The following GSAP variants were observed in gnomAD, a reference collection of about 807,000 sequenced individuals.
GSAP encodes the protein gamma-secretase-activating protein.
Under a neutral mutation model 131.7 loss-of-function variants are expected in GSAP, and 118 were observed. The ratio of observed to expected loss-of-function variants is 0.90; its 90% CI spans 0.77 to 1.04. The LOEUF (loss-of-function observed/expected upper bound fraction) is 1.04. Among genes scored for constraint, GSAP ranks in the 50% least tolerant of loss-of-function variants. The pLI, the probability that GSAP is intolerant of heterozygous loss-of-function variation, is 0.00. For missense variants in GSAP, 1,019 were observed against 1,013.2 expected (o/e 1.01, Z -0.08); for synonymous variants, 381 against 363.4 (o/e 1.05, Z -0.55).
chr7:77,353,054 GA>G lies in GSAP; in HGVS notation c.1409-29del, dbSNP rs144288006. 4.5e-4 allele frequency: 558 copies of G among 1,226,768 alleles called. 4 individuals are homozygous for G. The African/African-American group carries it at 7.2e-3, about 16-fold the overall frequency. The allele number at this position is 1,226,768 out of a possible 1,614,324, so 76.0% of individuals were successfully genotyped here. ...GAGTAGATTTTTTTTGAAACAGGGG[GA>G]AAAAAGATGTGGTTTAATAAGATGA... On this transcript the variant is annotated intron_variant, in intron 17 of 30. Transcript: ENST00000257626.
In GSAP at chr7:77,361,810, C is replaced by T. The variant is rs745596628; in HGVS notation, c.949+773G>A. ...ACAGAACCAGGAGAAATTAGTTAGGCATTTGACTGCTTCTCCCTAGATTGT... is the reference window on the plus strand; with the variant it reads ...ACAGAACCAGGAGAAATTAGTTAGGTATTTGACTGCTTCTCCCTAGATTGT... On this transcript the variant is annotated intron_variant, in intron 13 of 30. Coordinates refer to ENST00000257626, the MANE Select transcript of GSAP (RefSeq NM_017439.4). Among the ~76,000 whole-genome samples the T allele has an allele frequency of 2.0e-5, 3 of 152,150 alleles. No homozygotes were observed. In the East Asian group the frequency reaches 5.8e-4, roughly 29 times the overall value.
In GSAP at chr7:77,385,721, G is replaced by A. The variant is rs574584896; in HGVS notation, c.456+1639C>T. ...CCACAGTGCTGTCAGGAGTGGCGGG[G>A]AAATGCGCAGCTGAAAGGACTGGCT... On this transcript the variant is annotated intron_variant, in intron 6 of 30. Coordinates refer to ENST00000257626, the MANE Select transcript of GSAP (RefSeq NM_017439.4). 2.6e-5 allele frequency among the ~76,000 whole-genome samples: 4 copies of A among 152,294 alleles called. No homozygotes were observed. The South Asian group carries it at 6.2e-4, about 24-fold the overall frequency.
At chr7:77,409,291 G>A (rs935975690) in intron 1 of GSAP, among the ~76,000 whole-genome samples, 5 of 152,064 alleles carry the variant, frequency 3.3e-5, no homozygotes, top group African/African-American at 1.2e-4. Flanking sequence ...AGACCAACCT[G>A]GGCAACACAG....
chr7:77,359,717 A>ATT (rs1164300569), intron 14 of GSAP, among the ~76,000 whole-genome samples: 1 of 152,210 alleles, frequency 6.6e-6, no homozygotes, highest in African/African-American at 2.4e-5. Context: ...AAGACCACAG[A>ATT]TTAAATCTTG....
At chr7:77,316,842 A>G (rs953367977) in intron 26 of GSAP, among the ~76,000 whole-genome samples, 40 of 152,164 alleles carry the variant, frequency 2.6e-4, no homozygotes, top group Non-Finnish European at 4.3e-4. Context: ...CTCATCTTCC[A>G]GGGCTCCTGG....
intron 19 of GSAP, among the ~76,000 whole-genome samples, chr7:77,340,713 G>A (rs1790784938): frequency 6.6e-6 from 1 of 152,194 alleles, no homozygotes; most frequent in Admixed American, 6.5e-5. Flanking sequence ...ACGCCTGCCT[G>A]ATTATTCACC....
intron 6 of GSAP, among the ~76,000 whole-genome samples, chr7:77,385,034 CTT>C (rs1228460297): frequency 1.1e-4 from 15 of 139,680 alleles, no homozygotes; most frequent in Middle Eastern, 3.5e-3. Flanking sequence ...GTACTTCTAA[CTT>C]TTTTTTTTTT....
In GSAP at chr7:77,349,262, T is replaced by G. The variant is rs764674004; in HGVS notation, c.1545+89A>C. ...CTTGCCCTCCCCTCCCCTGCCAATT[T>G]GCAATCCCTTTTGGAACCACCATAA... is the stretch of plus-strand genomic sequence containing the variant. On this transcript the variant is annotated intron_variant, in intron 19 of 30. Transcript: ENST00000257626. 146 of 1,056,626 alleles carry G rather than the reference T, an allele frequency of 1.4e-4. No individual in the cohort carries two copies. The Middle Eastern group carries it at 1.6e-3, about 12-fold the overall frequency. The allele number at this position is 1,056,626 out of a possible 1,614,324, so 65.5% of individuals were successfully genotyped here. A position where few individuals can be genotyped will look rare whatever the true frequency, so the allele number is the denominator to read the frequency against.
Position 77,352,927 on chromosome 7 carries a change from A to G in GSAP, c.1491+17T>C. On this transcript the variant is annotated intron_variant, in intron 18 of 30. Transcript: ENST00000257626. ...AATTGATTTTATTTGCATACAGCAT[A>G]CACAGTGTTAACTTACTGTATTCCA... 2 of 1,414,310 alleles carry G rather than the reference A, an allele frequency of 1.4e-6. No individual in the cohort carries two copies. The highest frequency in any genetic ancestry group is 2.0e-6 in the Non-Finnish European group (2 of 998,444). 87.6% of individuals were successfully genotyped at this position (1,414,310 alleles called of 1,614,324 possible).
intron 26 of GSAP, among the ~76,000 whole-genome samples, chr7:77,318,467 T>C (rs150248485): frequency 1.3e-5 from 2 of 152,224 alleles, no homozygotes; most frequent in African/African-American, 4.8e-5. Flanking sequence ...GATGAATATA[T>C]ATGAATGAAG....
At chr7:77,336,727 A>T (rs1332067457) in intron 19 of GSAP, among the ~76,000 whole-genome samples, 1 of 152,136 alleles carries the variant, frequency 6.6e-6, no homozygotes, top group Non-Finnish European at 1.5e-5. Flanking sequence ...ACCTCAGGTG[A>T]TTCACCCGCC....
chr7:77,394,960 C>T (rs6971137), intron 5 of GSAP, among the ~76,000 whole-genome samples: 56,412 of 152,086 alleles, frequency 0.37, 13,533 homozygotes, highest in African/African-American at 0.68. Flanking sequence ...ACACAATAAC[C>T]AATAACGTTC....
intron 18 of GSAP, among the ~76,000 whole-genome samples, 155 bp downstream of exon 18, chr7:77,352,789 A>G (rs1045178142): frequency 3.3e-5 from 4 of 122,908 alleles, no homozygotes; most frequent in Non-Finnish European, 5.3e-5. Context: ...GGGATTTGCT[A>G]TTACTTTTCT....
At chr7:77,377,468 T>G (rs1007559264) in intron 8 of GSAP, 78 bp from the exon 9 acceptor site, 5 of 1,416,480 alleles carry the variant, frequency 3.5e-6, no homozygotes, top group Non-Finnish European at 2.8e-6. Context: ...TTCATAATTA[T>G]TTTCCATGTC....
chr7:77,403,538 A>G (rs769569096), intron 3 of GSAP, among the ~76,000 whole-genome samples: 15 of 152,078 alleles, frequency 9.9e-5, no homozygotes, highest in Admixed American at 9.2e-4. Flanking sequence ...AGCCTGTCAC[A>G]TCAACCAACG....
intron 6 of GSAP, among the ~76,000 whole-genome samples, chr7:77,385,925 T>A (rs982639747): frequency 1.3e-5 from 2 of 152,226 alleles, no homozygotes; most frequent in African/African-American, 4.8e-5. Flanking sequence ...TAACAAAATG[T>A]GAAATTAGGC....
chr7:77,412,486 T>C (rs2107919), intron 1 of GSAP, among the ~76,000 whole-genome samples: 79,043 of 151,722 alleles, frequency 0.52, 21,426 homozygotes, highest in South Asian at 0.63. Flanking sequence ...GAACAAACTA[T>C]AAAGAAAAAC....
At chr7:77,396,137 C>A (rs1043542811) in intron 5 of GSAP, among the ~76,000 whole-genome samples, 4 of 152,128 alleles carry the variant, frequency 2.6e-5, no homozygotes, top group African/African-American at 9.7e-5. Flanking sequence ...GTAGTGGCTC[C>A]CCTTCTTGAA....
intron 13 of GSAP, 107 bp downstream of exon 13, chr7:77,362,476 G>C (rs1458913662): frequency 1.6e-6 from 1 of 644,702 alleles, no homozygotes; most frequent in Admixed American, 2.6e-5. Flanking sequence ...GACAAAGGGA[G>C]ACCCTGTCTC....
Sources: gnomAD v4.1 joint callset for allele counts (sites outside exome capture counted in the v4.1 genomes callset) on GRCh38, gnomAD v4.1.1 for gene constraint, MANE v1.5 for transcripts, NCBI Gene and HGNC (gene_info 2026-07-23, HGNC 2026-07-21) for gene names.